NAV3: variants seen among roughly 807,000 people sequenced by gnomAD.
The protein encoded by NAV3 is neuron navigator 3.
In NAV3, 87 loss-of-function variants were observed where a neutral mutation model predicts 244.7. The observed-to-expected ratio is 0.36, with a 90% confidence interval of 0.30 to 0.42. The LOEUF (loss-of-function observed/expected upper bound fraction) is 0.42. Among genes scored for constraint, NAV3 ranks in the 20% least tolerant of loss-of-function variants. NAV3 has a pLI of 1.00. For missense variants in NAV3, 2,663 were observed against 2,893.3 expected (o/e 0.92, Z 1.83); for synonymous variants, 1,126 against 1,042.2 (o/e 1.08, Z -1.55).
At position 77,754,023 on chromosome 12, in the gene NAV3, C is replaced by G. The variant is rs146556492; in HGVS notation, c.72+181757C>G. The stretch of plus-strand genomic sequence containing the variant: ...ATAGAAAAAGGTAGGCTAGGTATGC[C>G]CAAGTTTGTTTCAGAAATAATTAAT... On this transcript the variant is annotated intron_variant, in intron 2 of 8. Transcript: ENST00000550042. 2.6e-3 allele frequency among the ~76,000 whole-genome samples: 391 copies of G among 151,954 alleles called. 3 individuals carry two copies. The highest frequency in any genetic ancestry group is 9.1e-3 in the African/African-American group (376 of 41,466).
At chr12:77,682,563 T>C (rs1386837896) in intron 2 of NAV3, among the ~76,000 whole-genome samples, 1 of 152,188 alleles carries the variant, frequency 6.6e-6, no homozygotes, top group Non-Finnish European at 1.5e-5. Context: ...TTTTTAGTTT[T>C]TTGAGGAACC....
intron 1 of NAV3, among the ~76,000 whole-genome samples, chr12:77,903,806 C>T (rs542500544): frequency 1.1e-3 from 160 of 151,782 alleles, no homozygotes; most frequent in African/African-American, 3.6e-3. Flanking sequence ...AAGAAAGAAA[C>T]AAACAACCCC....
intron 5 of NAV3, among the ~76,000 whole-genome samples, chr12:77,976,666 C>CTTTCTTTTTTTTT (rs1446044531): frequency 6.0e-4 from 35 of 58,058 alleles, no homozygotes; most frequent in South Asian, 1.1e-3. Context: ...TTCTTTCTTT[C>CTTTCTTTTTTTTT]TTTTTTTCTT....
At chr12:77,993,299 T>A (rs140876331) in intron 5 of NAV3, among the ~76,000 whole-genome samples, 16 of 152,324 alleles carry the variant, frequency 1.1e-4, no homozygotes, top group African/African-American at 3.8e-4. Flanking sequence ...TAAACAGTTC[T>A]CTTACTCTTG....
intron 12 of NAV3, among the ~76,000 whole-genome samples, chr12:78,101,920 A>G (rs1228268747): frequency 6.6e-6 from 1 of 152,168 alleles, no homozygotes; most frequent in Non-Finnish European, 1.5e-5. Flanking sequence ...TATTTTATAT[A>G]ATATTTAAAA....
Position 77,976,205 on chromosome 12 carries a change from T to C in NAV3, c.671+7503T>C, listed in dbSNP as rs192566595. On this transcript the variant is annotated intron_variant, in intron 5 of 39. Transcript: ENST00000397909. Reference sequence around the variant, plus strand: ...ATTGCCATGTGAGCTTTGAAATATATATGAGATATATCCAAAATACTGAGG... The same window carrying C: ...ATTGCCATGTGAGCTTTGAAATATACATGAGATATATCCAAAATACTGAGG... 2.0e-3 allele frequency among the ~76,000 whole-genome samples: 299 copies of C among 152,264 alleles called. 1 individual carries two copies. Among genetic ancestry groups the C allele is most frequent in the African/African-American group, 7.1e-3 (296 of 41,546 alleles).
rs1565714167 is a variant in NAV3, at chr12:78,142,737, G to GTA, written c.4683+2413_4683+2414dup. ...TATACATATATATGTGTGTGTGTGT[G>GTA]TATATATATATTTATAGGCCAATAT... is the stretch of plus-strand genomic sequence containing the variant. On this transcript the variant is annotated intron_variant, in intron 20 of 39. Coordinates refer to ENST00000397909, the MANE Select transcript of NAV3 (RefSeq NM_001024383.2). 4.2e-3 allele frequency among the ~76,000 whole-genome samples: 425 copies of GTA among 101,706 alleles called. 7 individuals are homozygous for GTA. Among genetic ancestry groups the GTA allele is most frequent in the African/African-American group, 0.014 (402 of 29,672 alleles). The allele number at this position is 101,706 out of a possible 152,430, so 66.7% of individuals were successfully genotyped here. A position where few individuals can be genotyped will look rare whatever the true frequency, so the allele number is the denominator to read the frequency against.
chr12:77,968,904 A>T (rs1249925817), intron 5 of NAV3, among the ~76,000 whole-genome samples: 1 of 152,042 alleles, frequency 6.6e-6, no homozygotes, highest in African/African-American at 2.4e-5. Flanking sequence ...TGGGTGACGT[A>T]TTTTGTTTGT....
At chr12:77,838,920 T>G (rs1008039683) in intron 1 of NAV3, among the ~76,000 whole-genome samples, 6 of 152,148 alleles carry the variant, frequency 3.9e-5, no homozygotes, top group African/African-American at 1.2e-4. Context: ...TTTCTAAGAG[T>G]AACATTTTTA....
At chr12:77,723,572 G>A (rs1203182957) in intron 2 of NAV3, among the ~76,000 whole-genome samples, 5 of 151,754 alleles carry the variant, frequency 3.3e-5, no homozygotes, top group Non-Finnish European at 5.9e-5. Context: ...TGCTGTGAAA[G>A]GCTTGAATCT....
intron 12 of NAV3, among the ~76,000 whole-genome samples, chr12:78,085,209 A>G (rs138505740): frequency 4.7e-4 from 71 of 152,270 alleles, no homozygotes; most frequent in African/African-American, 1.7e-3. Context: ...AGTAACAAAC[A>G]TTTATTCCTT....
chr12:77,581,436 C>T (rs1178599881), intron 2 of NAV3, among the ~76,000 whole-genome samples: 1 of 152,098 alleles, frequency 6.6e-6, no homozygotes, highest in Non-Finnish European at 1.5e-5. Context: ...ACATATTACA[C>T]TGAATAGTGT....
At chr12:78,179,759 C>A in intron 29 of NAV3, 77 bp downstream of exon 29, 1 of 1,475,380 alleles carries the variant, frequency 6.8e-7, no homozygotes, top group Non-Finnish European at 9.1e-7. Flanking sequence ...TTGGTTAACA[C>A]AGAATAAATT....
intron 38 of NAV3, among the ~76,000 whole-genome samples, chr12:78,201,899 A>G (rs1458196061): frequency 1.3e-5 from 2 of 151,850 alleles, no homozygotes; most frequent in African/African-American, 2.4e-5. Context: ...TTTTACTGTC[A>G]GGCTCTCTTT....
At chr12:77,892,942 A>G (rs118088857) in intron 1 of NAV3, among the ~76,000 whole-genome samples, 7 of 152,264 alleles carry the variant, frequency 4.6e-5, no homozygotes, top group Non-Finnish European at 7.3e-5. Context: ...ACTAATTTTG[A>G]TATTAGTTAA....
At chr12:77,897,216 G>T (rs1233362352) in intron 1 of NAV3, among the ~76,000 whole-genome samples, 2 of 152,112 alleles carry the variant, frequency 1.3e-5, no homozygotes, top group Non-Finnish European at 2.9e-5. Flanking sequence ...TTTCTATTGT[G>T]ATTTCCCATG....
At position 77,859,673 on chromosome 12, in the gene NAV3, C is replaced by T. The variant is rs560500080; in HGVS notation, c.243+27969C>T. 8.6e-5 allele frequency among the ~76,000 whole-genome samples: 12 copies of T among 139,564 alleles called. No homozygotes were observed. The East Asian group carries it at 2.7e-3, about 32-fold the overall frequency. The allele number at this position is 139,564 out of a possible 152,430, so 91.6% of individuals were successfully genotyped here. Reference sequence around the variant, plus strand: ...AATCAAAGTCCTTTGGAGCCCAATTCCTTCTTTGTGAATTATGTAATACAT... The same window carrying T: ...AATCAAAGTCCTTTGGAGCCCAATTTCTTCTTTGTGAATTATGTAATACAT... On this transcript the variant is annotated intron_variant, in intron 1 of 39. Transcript: ENST00000397909.
chr12:77,635,175 C>A (rs1032546007), intron 2 of NAV3, among the ~76,000 whole-genome samples: 2 of 151,954 alleles, frequency 1.3e-5, no homozygotes, highest in Non-Finnish European at 2.9e-5. Flanking sequence ...CTGCAGTGAG[C>A]CAAGATCACA....
rs764447652 is a variant in NAV3 at position 78,116,883 on chromosome 12, C to G, written c.2748C>G (p.Val916=). 6.2e-7 allele frequency: 1 copy of G among 1,612,984 alleles called. No individual in the cohort carries two copies. The highest frequency in any genetic ancestry group is 1.7e-5 in the Admixed American group (1 of 59,960). ...TCAGCTCTTACTCCAACATCACCGTCCCCTCTAGGAAGAATACTCAGGTGA... is the reference window on the plus strand; with the variant it reads ...TCAGCTCTTACTCCAACATCACCGTGCCCTCTAGGAAGAATACTCAGGTGA... ...SSVSSYSNIT[V]PSRKNTQLRT... The change falls in exon 13 of 40, where the codon GTC becomes GTG. Residue 916 remains valine, a synonymous_variant. Transcript: ENST00000397909.
Sources: gnomAD v4.1 joint callset for allele counts (sites outside exome capture counted in the v4.1 genomes callset) on GRCh38, gnomAD v4.1.1 for gene constraint, MANE v1.5 for transcripts, NCBI Gene and HGNC (gene_info 2026-07-23, HGNC 2026-07-21) for gene names.